RIMS1: variants seen among roughly 807,000 people sequenced by gnomAD.
RIMS1 encodes regulating synaptic membrane exocytosis protein 1.
A neutral mutation model predicts 214.1 loss-of-function variants in RIMS1; 83 were observed. The observed-to-expected ratio is 0.39, with a 90% CI of 0.32 to 0.47. The LOEUF is 0.47. Among genes scored for constraint, RIMS1 ranks in the 20% least tolerant of loss-of-function variants. RIMS1 has a pLI of 0.99. For synonymous variants in RIMS1, 793 were observed against 786.8 expected (o/e 1.01, Z -0.13); for missense variants, 2,050 against 2,161.8 (o/e 0.95, Z 1.03).
At chr6:72,196,227 CTAT>C (rs2050840965) in intron 6 of RIMS1, among the ~76,000 whole-genome samples, 1 of 152,004 alleles carries the variant, frequency 6.6e-6, no homozygotes, top group Non-Finnish European at 1.5e-5. Context: ...AAAAATTTGG[CTAT>C]TATTTATTCA....
chr6:71,918,383 A>G (rs1280928134), intron 1 of RIMS1, among the ~76,000 whole-genome samples: 2 of 152,134 alleles, frequency 1.3e-5, no homozygotes, highest in Admixed American at 6.6e-5. Flanking sequence ...GGGAGTAAAG[A>G]TGAAGGTTGA....
At chr6:71,923,107 C>A (rs1267653306) in intron 1 of RIMS1, among the ~76,000 whole-genome samples, 2 of 152,228 alleles carry the variant, frequency 1.3e-5, no homozygotes, top group Non-Finnish European at 2.9e-5. Context: ...TTCCATCCTA[C>A]TCTTCCAGAT....
At chr6:72,341,719 A>G (rs1282523967) in intron 29 of RIMS1, among the ~76,000 whole-genome samples, 2 of 151,780 alleles carry the variant, frequency 1.3e-5, no homozygotes, top group Admixed American at 6.6e-5. Context: ...AATAAAATCT[A>G]GTTCTATTTA....
In RIMS1 at chr6:72,240,973, G is replaced by A. The variant is rs528024376; in HGVS notation, c.1958-1341G>A. Among the ~76,000 whole-genome samples the A allele has an allele frequency of 2.3e-3, 352 of 152,112 alleles. 2 individuals carry two copies. The highest frequency in any genetic ancestry group is 7.9e-3 in the African/African-American group (326 of 41,500). On this transcript the variant is annotated intron_variant, in intron 9 of 33. Coordinates refer to ENST00000521978, the MANE Select transcript of RIMS1 (RefSeq NM_014989.7). ...GGAGGTTGCAGTGAGCCGAGATTGC[G>A]CCACTGCACTCTAGCCTGGGCAACA...
Position 71,887,654 on chromosome 6 carries a change from G to A in RIMS1, c.164+467G>A, listed in dbSNP as rs1768213608. Among the ~76,000 whole-genome samples the A allele has an allele frequency of 2.0e-5, 3 of 152,104 alleles. No individual in the cohort carries two copies. In the South Asian group the frequency reaches 6.2e-4, roughly 32 times the overall value. The stretch of plus-strand genomic sequence containing the variant: ...GCTGGTCGGGGTTACCCCAGTGAAG[G>A]CTGCCTATATTTATATAATAAAAAT... On this transcript the variant is annotated intron_variant, in intron 1 of 33. Coordinates refer to ENST00000521978, the MANE Select transcript of RIMS1 (RefSeq NM_014989.7).
chr6:72,140,230 T>C (rs1346054143), intron 4 of RIMS1, among the ~76,000 whole-genome samples: 1 of 152,124 alleles, frequency 6.6e-6, no homozygotes, highest in Non-Finnish European at 1.5e-5. Flanking sequence ...AAGAATATTG[T>C]CTTCACTTTA....
At chr6:72,154,142 T>C (rs2044123729) in intron 4 of RIMS1, among the ~76,000 whole-genome samples, 1 of 142,658 alleles carries the variant, frequency 7.0e-6, no homozygotes, top group Non-Finnish European at 1.6e-5. Context: ...GGAATAGCTG[T>C]ATATGAAATA....
chr6:72,331,421 G>T (rs1366083996), intron 28 of RIMS1, among the ~76,000 whole-genome samples: 2 of 151,952 alleles, frequency 1.3e-5, no homozygotes, highest in South Asian at 2.1e-4. Context: ...GATGAGAGAT[G>T]AGAAACCACT....
At chr6:72,281,183 C>T (rs142577979) in intron 23 of RIMS1, among the ~76,000 whole-genome samples, 6 of 152,052 alleles carry the variant, frequency 3.9e-5, no homozygotes, top group Admixed American at 1.3e-4. Context: ...ACCATGTAAG[C>T]GAGAACAAAG....
At chr6:71,999,870 T>A (rs952589323) in intron 2 of RIMS1, among the ~76,000 whole-genome samples, 3 of 152,150 alleles carry the variant, frequency 2.0e-5, no homozygotes, top group Non-Finnish European at 2.9e-5. Flanking sequence ...GTTGATTTTT[T>A]CATAATTTCT....
chr6:72,219,550 A>G (rs903942345), intron 6 of RIMS1, among the ~76,000 whole-genome samples: 1 of 152,162 alleles, frequency 6.6e-6, no homozygotes, highest in Non-Finnish European at 1.5e-5. Context: ...AACATTGAAC[A>G]AATTTCAAAA....
intron 1 of RIMS1, among the ~76,000 whole-genome samples, chr6:71,950,638 G>A (rs985999688): frequency 6.6e-6 from 1 of 152,136 alleles, no homozygotes; most frequent in Non-Finnish European, 1.5e-5. Flanking sequence ...AATAATTTTG[G>A]AAGTTTCTTC....
At chr6:72,280,074 C>CTAGATT (rs1160508327) in intron 23 of RIMS1, among the ~76,000 whole-genome samples, 1 of 151,786 alleles carries the variant, frequency 6.6e-6, no homozygotes, top group African/African-American at 2.4e-5. Flanking sequence ...TTGAGGCAAA[C>CTAGATT]TAGATTTTAT....
chr6:72,007,409 C>CA (rs1808206912), intron 2 of RIMS1, among the ~76,000 whole-genome samples: 2 of 152,318 alleles, frequency 1.3e-5, no homozygotes, highest in South Asian at 4.1e-4. Flanking sequence ...TTCTAAAACT[C>CA]AGAGTGTCTC....
intron 2 of RIMS1, among the ~76,000 whole-genome samples, chr6:72,089,028 A>G (rs111864488): frequency 0.011 from 1,736 of 152,178 alleles, 11 homozygotes; most frequent in Non-Finnish European, 0.017. Context: ...AGACTCAGAT[A>G]TTGTTCACCC....
chr6:72,159,980 C>T (rs6932171), intron 4 of RIMS1, among the ~76,000 whole-genome samples: 82,706 of 137,094 alleles, frequency 0.6, 30,604 homozygotes, highest in East Asian at 0.98. Context: ...TTACCTTGGG[C>T]AGCAAGGCCA....
At position 72,126,103 on chromosome 6, in the gene RIMS1, C is replaced by T. The variant is rs1475251311; in HGVS notation, c.471+26117C>T. Among the ~76,000 whole-genome samples the T allele has an allele frequency of 3.3e-5, 5 of 152,282 alleles. No homozygotes were observed. In the East Asian group the frequency reaches 9.7e-4, roughly 29 times the overall value. On this transcript the variant is annotated intron_variant, in intron 4 of 33. Transcript: ENST00000521978. ...TGGGAGCTGCAGACCAGAGTTGTTC[C>T]TATTCGGCCATCTTGGAACTCCTCA...
intron 28 of RIMS1, among the ~76,000 whole-genome samples, chr6:72,319,811 T>C (rs1347622465): frequency 6.6e-6 from 1 of 152,048 alleles, no homozygotes; most frequent in African/African-American, 2.4e-5. Context: ...TTCATACAAG[T>C]GTAATAATAA....
chr6:72,305,814 A>G (rs2154280220), intron 26 of RIMS1, among the ~76,000 whole-genome samples: 1 of 152,250 alleles, frequency 6.6e-6, no homozygotes, highest in Admixed American at 6.5e-5. Context: ...GGGGTGTATC[A>G]TTGCTTAGTT....
Sources: allele counts gnomAD v4.1 joint callset (sites outside exome capture counted in the v4.1 genomes callset), GRCh38; gene constraint gnomAD v4.1.1; transcripts MANE v1.5; gene names NCBI Gene and HGNC (gene_info 2026-07-23, HGNC 2026-07-21).